FLNB: variants seen among roughly 807,000 people sequenced by gnomAD.
FLNB encodes the protein filamin-B.
Under a neutral mutation model 250.6 loss-of-function variants are expected in FLNB, and 111 were observed. That is an observed-to-expected ratio of 0.44 (90% CI 0.38 to 0.52). FLNB has a LOEUF of 0.52. FLNB is among the 20% of genes least tolerant of loss of function. FLNB has a pLI of 0.00. For synonymous variants in FLNB, 1,302 were observed against 1,372.1 expected (o/e 0.95, Z 1.13); for missense variants, 2,869 against 3,447.8 (o/e 0.83, Z 4.20).
At position 58,159,514 on chromosome 3, in the gene FLNB, C is replaced by T. The variant is rs534207237; in HGVS notation, c.6889-40C>T. The T allele has an allele frequency of 2.5e-5, 40 of 1,612,112 alleles. 1 individual carries two copies. Among genetic ancestry groups the T allele is most frequent in the Middle Eastern group, 1.6e-4 (1 of 6,078 alleles). On this transcript the variant is annotated intron_variant, in intron 41 of 45. Transcript: ENST00000295956. ...GTCAGTGTGTGCCACTGAGCAGGAA[C>T]GCCGAGGGCCATAACCTGTCTGATG...
At position 58,019,714 on chromosome 3, in the gene FLNB, C is replaced by G. The variant is rs1419722450; in HGVS notation, c.292+10858C>G. Among the ~76,000 whole-genome samples, 6 of 152,182 alleles carry G rather than the reference C, an allele frequency of 3.9e-5. No homozygotes were observed. In the East Asian group the frequency reaches 1.2e-3, roughly 29 times the overall value. On this transcript the variant is annotated intron_variant, in intron 1 of 45. Coordinates refer to ENST00000295956, the MANE Select transcript of FLNB (RefSeq NM_001457.4). Reference sequence around the variant, plus strand: ...CTGTTTTGCTTTGCTCCAAACTTTACTCATTTGCGCTTGATTCATGTGAAA... The same window carrying G: ...CTGTTTTGCTTTGCTCCAAACTTTAGTCATTTGCGCTTGATTCATGTGAAA...
At chr3:58,144,704 A>C (rs375490953) in intron 32 of FLNB, among the ~76,000 whole-genome samples, 29 of 152,372 alleles carry the variant, frequency 1.9e-4, no homozygotes, top group East Asian at 1.5e-3. Flanking sequence ...GGGCTGTTGC[A>C]GTTCACACGC....
In FLNB at chr3:58,046,340, A is replaced by T. The variant is rs76618827; in HGVS notation, c.293-30706A>T. Reference sequence around the variant, plus strand: ...TTTCTTTCTTTAAAAAAATCCCCCCAAAACCAGCTTTACTGAGATATAACT... The same window carrying T: ...TTTCTTTCTTTAAAAAAATCCCCCCTAAACCAGCTTTACTGAGATATAACT... On this transcript the variant is annotated intron_variant, in intron 1 of 45. Coordinates refer to ENST00000295956, the MANE Select transcript of FLNB (RefSeq NM_001457.4). Among the ~76,000 whole-genome samples, 708 of 152,290 alleles carry T rather than the reference A, an allele frequency of 4.6e-3. 6 individuals are homozygous for T. The highest frequency in any genetic ancestry group is 0.016 in the African/African-American group (670 of 41,556).
At position 58,121,481 on chromosome 3, in the gene FLNB, C is replaced by T. The variant is rs752525780; in HGVS notation, c.3104C>T (p.Ser1035Leu). Residue 1035 changes from serine to leucine, a missense_variant, in exon 20 of 46, where the codon TCG becomes TTG. By Grantham distance (145) the Ser-to-Leu change is moderately radical. Transcript: ENST00000295956. The part of the protein sequence containing the change: ...VPGSPYTVEA[S>L]LPPDPSKVKA... Reference sequence around the variant, plus strand: ...GGGAGCCCCTACACAGTGGAGGCCTCGCTGCCACCAGATCCCAGCAAGGTC... The same window carrying T: ...GGGAGCCCCTACACAGTGGAGGCCTTGCTGCCACCAGATCCCAGCAAGGTC... 9 of 1,613,962 alleles carry T rather than the reference C, an allele frequency of 5.6e-6. No homozygotes were observed. Among genetic ancestry groups the T allele is most frequent in the East Asian group, 4.5e-5 (2 of 44,902 alleles).
At chr3:58,105,794 T>C (rs867675508) in intron 11 of FLNB, among the ~76,000 whole-genome samples, 13 of 152,320 alleles carry the variant, frequency 8.5e-5, no homozygotes, top group Middle Eastern at 6.8e-3. Flanking sequence ...AAAACTTTAT[T>C]TGCAAAAGTA....
In FLNB at chr3:58,094,843, G is replaced by A; in HGVS notation, c.795G>A (p.Glu265=). 1.9e-6 allele frequency: 3 copies of A among 1,613,948 alleles called. No homozygotes were observed. Among genetic ancestry groups the A allele is most frequent in the East Asian group, 2.2e-5 (1 of 44,884 alleles). The part of the protein sequence containing the change: ...KKARAYGRGI[E]PTGNMVKQPA... ...TGTGTAAACCTGTGGCAGGAATCGA[G>A]CCCACTGGAAACATGGTGAAGCAGC... The change falls in exon 5 of 46, where the codon GAG becomes GAA. Residue 265 remains glutamate (E), a synonymous_variant. Transcript: ENST00000295956.
At chr3:58,085,624 C>T (rs1680923034) in intron 4 of FLNB, among the ~76,000 whole-genome samples, 1 of 152,180 alleles carries the variant, frequency 6.6e-6, no homozygotes, top group Admixed American at 6.5e-5. Flanking sequence ...CCTCCAGCCA[C>T]AAACAGATCT....
At chr3:58,046,677 G>A (rs189409214) in intron 1 of FLNB, among the ~76,000 whole-genome samples, 39 of 152,062 alleles carry the variant, frequency 2.6e-4, no homozygotes, top group Non-Finnish European at 4.3e-4. Context: ...CTCAAACTCC[G>A]CCTGCCTTGG....
chr3:58,065,184 G>A (rs1012670660), intron 1 of FLNB, among the ~76,000 whole-genome samples: 3 of 152,166 alleles, frequency 2.0e-5, no homozygotes, highest in African/African-American at 7.2e-5. Flanking sequence ...TGTTTTTCCC[G>A]AGAGCCTCGG....
intron 1 of FLNB, among the ~76,000 whole-genome samples, chr3:58,044,257 C>T (rs9833870): frequency 0.076 from 11,546 of 152,082 alleles, 473 homozygotes; most frequent in African/African-American, 0.11. Flanking sequence ...CTGGTAGGTG[C>T]CTCTCATTGT....
chr3:58,109,096 G>A, intron 13 of FLNB, 83 bp from the exon 14 acceptor site: 5 of 1,559,708 alleles, frequency 3.2e-6, no homozygotes, highest in Middle Eastern at 3.4e-4. Flanking sequence ...TGGTGACTTG[G>A]CTGTCTTGGG....
chr3:58,144,379 G>T (rs1295409475), intron 32 of FLNB, among the ~76,000 whole-genome samples: 2 of 152,100 alleles, frequency 1.3e-5, no homozygotes, highest in South Asian at 2.1e-4. Flanking sequence ...GGCATGAGCC[G>T]CCACGCCTGG....
chr3:58,068,280 G>A (rs2097188933), intron 1 of FLNB, among the ~76,000 whole-genome samples: 2 of 152,348 alleles, frequency 1.3e-5, no homozygotes, highest in Admixed American at 1.3e-4. Flanking sequence ...TGCCTTGTTG[G>A]CATGCAGCCT....
At chr3:58,040,427 T>C (rs559309487) in intron 1 of FLNB, among the ~76,000 whole-genome samples, 22 of 152,306 alleles carry the variant, frequency 1.4e-4, no homozygotes, top group African/African-American at 5.1e-4. Context: ...TTCTGGTCCA[T>C]GCCTGCAAGT....
At position 58,171,106 on chromosome 3, in the gene FLNB, T is replaced by C. The variant is rs542425873; in HGVS notation, c.*344T>C. On this transcript the variant is annotated 3_prime_UTR_variant, in exon 46 of 46. Coordinates refer to ENST00000295956, the MANE Select transcript of FLNB (RefSeq NM_001457.4). The surrounding 1 kb of genome is among the most constrained non-coding windows in gnomAD (Gnocchi z 5.5). ...AACAAAACTGGCTAGCCTGAGCTGC[T>C]GGTTCACTCTTCAGCATTTATGAAA... The C allele has an allele frequency of 9.2e-5, 26 of 282,188 alleles. No individual in the cohort carries two copies. The highest frequency in any genetic ancestry group is 5.7e-4 in the African/African-American group (26 of 45,516). The allele number at this position is 282,188 out of a possible 1,614,324, so 17.5% of individuals were successfully genotyped here.
At position 58,123,278 on chromosome 3, in the gene FLNB, C is replaced by T. The variant is rs965891478; in HGVS notation, c.3312C>T (p.Pro1104=). The part of the protein sequence containing the change: ...TCSVSYLPTK[P]GEYFVNILFE... ...CCGTCTCTTACCTTCCCACAAAACC[C>T]GGGGAGTACTTCGTCAACATCCTCT... is the stretch of plus-strand genomic sequence containing the variant. The change falls in exon 21 of 46, where the codon CCC becomes CCT. Residue 1104 remains proline (P), a synonymous_variant. Transcript: ENST00000295956. 5.6e-6 allele frequency: 9 copies of T among 1,614,020 alleles called. No individual in the cohort carries two copies. The highest frequency in any genetic ancestry group is 4.0e-5 in the African/African-American group (3 of 74,892).
Position 58,138,245 on chromosome 3 carries a change from C to A in FLNB, c.4862-37C>A, listed in dbSNP as rs772041516. The A allele has an allele frequency of 4.3e-6, 7 of 1,612,094 alleles. No homozygotes were observed. The East Asian group carries it at 1.1e-4, about 26-fold the overall frequency. ...GTTCTTGGGCCTCCAGGATGTGTGT[C>A]CATACTTCCATTCTCTTCCCCTGAA... On this transcript the variant is annotated intron_variant, in intron 28 of 45. Transcript: ENST00000295956.
chr3:58,122,168 CAAAAAAA>C (rs546747097), intron 20 of FLNB, among the ~76,000 whole-genome samples: 1 of 65,878 alleles, frequency 1.5e-5, no homozygotes. Flanking sequence ...GACTCCGTCT[CAAAAAAA>C]AAAAAAAAAA....
At chr3:58,168,212 C>T (rs1033316124) in intron 43 of FLNB, among the ~76,000 whole-genome samples, 30 of 152,152 alleles carry the variant, frequency 2.0e-4, no homozygotes, top group African/African-American at 6.8e-4. Context: ...TGCTTGTGGG[C>T]GAAATGTCAG....
Sources: gnomAD v4.1 joint callset for allele counts (sites outside exome capture counted in the v4.1 genomes callset) on GRCh38, gnomAD v4.1.1 for gene constraint, Gnocchi (gnomAD v3.1) non-coding constraint, MANE v1.5 for transcripts, NCBI Gene and HGNC (gene_info 2026-07-23, HGNC 2026-07-21) for gene names.